The following CEP85L variants were observed in gnomAD, a reference collection of about 807,000 sequenced individuals.
The protein encoded by CEP85L is centrosomal protein of 85 kDa-like.
CEP85L carries 60 observed loss-of-function variants against 100.3 expected under a neutral mutation model. The observed-to-expected ratio is 0.60, with a 90% CI of 0.49 to 0.74. CEP85L has a LOEUF of 0.74. Among genes scored for constraint, CEP85L ranks in the 30% least tolerant of loss-of-function variants. The pLI is 0.00. For synonymous variants in CEP85L, 319 were observed against 322.7 expected (o/e 0.99, Z 0.12); for missense variants, 973 against 936.2 (o/e 1.04, Z -0.51).
upstream of CEP85L, among the ~76,000 whole-genome samples, chr6:118,652,966 AT>A (rs1054799351): frequency 1.1e-4 from 17 of 151,678 alleles, no homozygotes; most frequent in African/African-American, 3.6e-4. Flanking sequence ...CTATGTATAG[AT>A]TTTTTTTTCA....
intron 5 of CEP85L, among the ~76,000 whole-genome samples, chr6:118,505,409 C>CAA (rs56893664): frequency 0.036 from 2,592 of 71,574 alleles, 388 homozygotes; most frequent in African/African-American, 0.044. Context: ...TCACTGTACT[C>CAA]AAAAAAAAAA....
At chr6:118,573,694 G>C (rs1780046686) in intron 2 of CEP85L, among the ~76,000 whole-genome samples, 1 of 151,998 alleles carries the variant, frequency 6.6e-6, no homozygotes. Flanking sequence ...AGATAGATGG[G>C]TATATATTAT....
At chr6:118,653,261 AGT>A, upstream of CEP85L, among the ~76,000 whole-genome samples, 1 of 152,320 alleles carries the variant, frequency 6.6e-6, no homozygotes, top group Non-Finnish European at 1.5e-5. Context: ...TCTATTACAG[AGT>A]AAAAGCAAAC....
intron 2 of CEP85L, among the ~76,000 whole-genome samples, chr6:118,624,634 T>C (rs566344618): frequency 6.6e-6 from 1 of 152,154 alleles, no homozygotes; most frequent in Non-Finnish European, 1.5e-5. Context: ...CACACCTATA[T>C]GAGAAAGGAA....
chr6:118,623,126 C>T (rs1164003915), intron 2 of CEP85L, among the ~76,000 whole-genome samples: 2 of 152,188 alleles, frequency 1.3e-5, no homozygotes, highest in African/African-American at 4.8e-5. Flanking sequence ...CGTAAGATGG[C>T]CAAATCCCTA....
chr6:118,573,826 T>C (rs536765707), intron 2 of CEP85L, among the ~76,000 whole-genome samples: 2 of 152,280 alleles, frequency 1.3e-5, no homozygotes, highest in South Asian at 4.1e-4. Flanking sequence ...ATAGCACCCA[T>C]GAATATTAAT....
chr6:118,697,983 C>G (rs1777270716), intron 1 of CEP85L, among the ~76,000 whole-genome samples: 1 of 152,180 alleles, frequency 6.6e-6, no homozygotes. Flanking sequence ...TTCACTCTTT[C>G]TGCAGACTCA....
intron 1 of CEP85L, among the ~76,000 whole-genome samples, chr6:118,636,610 C>T (rs1179437916): frequency 2.1e-5 from 3 of 145,162 alleles, no homozygotes; most frequent in Non-Finnish European, 4.4e-5. Flanking sequence ...ATAAGGCAGA[C>T]TGCCCTCCAT....
chr6:118,486,316 T>C (rs1055355261), intron 6 of CEP85L, among the ~76,000 whole-genome samples: 101 of 152,216 alleles, frequency 6.6e-4, no homozygotes, highest in African/African-American at 2.3e-3. Flanking sequence ...ATTCTATTAA[T>C]ACAAGGCTAA....
At chr6:118,708,610 C>T (rs754168920) in intron 1 of CEP85L, among the ~76,000 whole-genome samples, 12 of 152,102 alleles carry the variant, frequency 7.9e-5, no homozygotes, top group Non-Finnish European at 1.3e-4. Flanking sequence ...CTGTTTTTCT[C>T]GTATACCTGG....
At chr6:118,615,202 T>A (rs577731584) in intron 2 of CEP85L, among the ~76,000 whole-genome samples, 5 of 152,120 alleles carry the variant, frequency 3.3e-5, no homozygotes, top group African/African-American at 4.8e-5. Context: ...AAAATTCCTA[T>A]CAAATTCCTA....
At chr6:118,626,715 T>TCTCA (rs1178236847) in intron 2 of CEP85L, among the ~76,000 whole-genome samples, 5 of 152,142 alleles carry the variant, frequency 3.3e-5, no homozygotes, top group African/African-American at 1.2e-4. Flanking sequence ...GCTCACTCTC[T>TCTCA]CTCTCAGTCC....
intron 1 of CEP85L, among the ~76,000 whole-genome samples, chr6:118,680,392 A>G (rs1470610202): frequency 1.5e-5 from 2 of 135,110 alleles, no homozygotes; most frequent in Non-Finnish European, 3.2e-5. Flanking sequence ...AAAAATATAG[A>G]AAAGTTCAAA....
chr6:118,667,677 C>T (rs1260417169), intron 1 of CEP85L, among the ~76,000 whole-genome samples: 1 of 152,164 alleles, frequency 6.6e-6, no homozygotes, highest in Non-Finnish European at 1.5e-5. Context: ...TCTCTATTCA[C>T]AAGGGACTAA....
chr6:118,614,754 T>C (rs1003662044), intron 2 of CEP85L, among the ~76,000 whole-genome samples: 9 of 152,134 alleles, frequency 5.9e-5, no homozygotes, highest in African/African-American at 4.8e-5. Context: ...GGCAGGAGAA[T>C]TGCTTGGACC....
At chr6:118,601,395 A>G (rs1227749517) in intron 2 of CEP85L, among the ~76,000 whole-genome samples, 1 of 152,174 alleles carries the variant, frequency 6.6e-6, no homozygotes, top group African/African-American at 2.4e-5. Context: ...TCAGCACCTC[A>G]TTGTCTAAAC....
At chr6:118,561,835 C>T (rs1231487646) in intron 3 of CEP85L, among the ~76,000 whole-genome samples, 1 of 151,976 alleles carries the variant, frequency 6.6e-6, no homozygotes, top group Non-Finnish European at 1.5e-5. Flanking sequence ...AATCAAGACG[C>T]CCAAGTCCAG....
At chr6:118,470,508 C>A in intron 11 of CEP85L, 29 bp downstream of exon 11, 1 of 1,391,762 alleles carries the variant, frequency 7.2e-7, no homozygotes, top group South Asian at 1.4e-5. Context: ...ATCATCCTTT[C>A]AAAGCAAAAT....
chr6:118,476,646 T>G (rs1422982847), intron 10 of CEP85L, among the ~76,000 whole-genome samples: 3 of 152,208 alleles, frequency 2.0e-5, no homozygotes, highest in African/African-American at 7.2e-5. Flanking sequence ...TGCTAAAAAT[T>G]GGAATAGAAT....
Sources: gnomAD v4.1 joint callset for allele counts (sites outside exome capture counted in the v4.1 genomes callset) on GRCh38, gnomAD v4.1.1 for gene constraint, MANE v1.5 for transcripts, NCBI Gene and HGNC (gene_info 2026-07-23, HGNC 2026-07-21) for gene names.